PDGFRA: variants seen among roughly 807,000 people sequenced by gnomAD.
PDGFRA encodes platelet derived growth factor receptor alpha.
PDGFRA carries 25 observed loss-of-function variants against 121.5 expected under a neutral mutation model. The observed-to-expected ratio is 0.21, with a 90% confidence interval of 0.15 to 0.29. The LOEUF (loss-of-function observed/expected upper bound fraction) is 0.29. Among genes scored for constraint, PDGFRA ranks in the 10% least tolerant of loss-of-function variants. The probability of loss-of-function intolerance (pLI) is 1.00; values close to 1 mark genes in which losing one functional copy is unlikely to be tolerated. For missense variants in PDGFRA, 1,008 were observed against 1,345.1 expected (o/e 0.75, Z 3.92); for synonymous variants, 463 against 494.8 (o/e 0.94, Z 0.85).
At chr4:54,240,625 G>A (rs948652856) in intron 1 of PDGFRA, among the ~76,000 whole-genome samples, 1 of 152,186 alleles carries the variant, frequency 6.6e-6, no homozygotes, top group Non-Finnish European at 1.5e-5. Flanking sequence ...TCCAGGAGGT[G>A]GGAATTTGCA....
At chr4:54,293,091 C>T (rs1039098245) in intron 22 of PDGFRA, among the ~76,000 whole-genome samples, 3 of 152,192 alleles carry the variant, frequency 2.0e-5, no homozygotes, top group Non-Finnish European at 4.4e-5. Context: ...ATAAGAGTCA[C>T]ACATTGCACT....
chr4:54,245,865 G>A (rs1196211287), intron 1 of PDGFRA, among the ~76,000 whole-genome samples: 1 of 151,948 alleles, frequency 6.6e-6, no homozygotes, highest in Admixed American at 6.6e-5. Flanking sequence ...AAGGATGGAG[G>A]AAGATCTACC....
At chr4:54,229,611 T>C (rs904240463) in intron 1 of PDGFRA, among the ~76,000 whole-genome samples, 196 bp downstream of exon 1, 5 of 151,916 alleles carry the variant, frequency 3.3e-5, no homozygotes, top group African/African-American at 1.2e-4. Flanking sequence ...GAGATAACCA[T>C]AGAGTTAGAA....
intron 1 of PDGFRA, among the ~76,000 whole-genome samples, chr4:54,247,337 A>T (rs755417426): frequency 6.6e-6 from 1 of 152,152 alleles, no homozygotes; most frequent in African/African-American, 2.4e-5. Flanking sequence ...ACTGGCAAAC[A>T]GAATCCAGCA....
intron 4 of PDGFRA, 74 bp from the exon 5 acceptor site, chr4:54,264,845 A>AAC: frequency 6.9e-7 from 1 of 1,444,346 alleles, no homozygotes; most frequent in Admixed American, 2.1e-5. Flanking sequence ...AAAAAAAAAA[A>AAC]AAAAAACCCA....
chr4:54,288,115 G>A (rs557772969), intron 19 of PDGFRA, among the ~76,000 whole-genome samples: 1 of 152,096 alleles, frequency 6.6e-6, no homozygotes. Flanking sequence ...ACACACTTAG[G>A]GATAAACAGT....
rs1468701864 is a variant in PDGFRA, at chr4:54,295,829, G to GT, written c.*558dup. On this transcript the variant is annotated 3_prime_UTR_variant, in exon 23 of 23. Coordinates refer to ENST00000257290, the MANE Select transcript of PDGFRA (RefSeq NM_006206.6). Reference sequence around the variant, plus strand: ...CTATAGCATTTTGCTATCTTTTTTAGTGTTAAAGAGATAAAGAATAATAAT... The same window carrying GT: ...CTATAGCATTTTGCTATCTTTTTTAGTTGTTAAAGAGATAAAGAATAATAAT... 1 of 236,282 alleles carries GT rather than the reference G, an allele frequency of 4.2e-6. No homozygotes were observed. Among genetic ancestry groups the GT allele is most frequent in the Non-Finnish European group, 8.3e-6 (1 of 119,822 alleles). 14.6% of individuals were successfully genotyped at this position (236,282 alleles called of 1,614,324 possible). A position where few individuals can be genotyped will look rare whatever the true frequency, so the allele number is the denominator to read the frequency against.
chr4:54,262,618 C>T (rs890976394), intron 3 of PDGFRA, among the ~76,000 whole-genome samples: 3 of 152,058 alleles, frequency 2.0e-5, no homozygotes, highest in African/African-American at 7.2e-5. Context: ...CCCCAGGGAT[C>T]TAGACCCTCT....
chr4:54,240,136 A>G (rs1448111206), intron 1 of PDGFRA: 2 of 300,936 alleles, frequency 6.6e-6, no homozygotes, highest in Non-Finnish European at 1.4e-5. Context: ...TATAGGTGTG[A>G]GCCACTGCAC....
Position 54,273,600 on chromosome 4 carries a change from C to A in PDGFRA, c.1428C>A (p.Ile476=), listed in dbSNP as rs778534563. The A allele has an allele frequency of 4.3e-6, 7 of 1,614,000 alleles. No homozygotes were observed. In the East Asian group the frequency reaches 1.6e-4, roughly 36 times the overall value. ...ANNVSNIITE[I]HSRDRSTVEG... is the part of the protein sequence containing the mutation. ...ATGTCTCAAACATCATCACGGAGAT[C>A]CACTCCCGAGACAGGAGTACCGTGG... Residue 476 remains isoleucine (I), a synonymous_variant, in exon 10 of 23, where the codon ATC becomes ATA. Coordinates refer to ENST00000257290, the MANE Select transcript of PDGFRA (RefSeq NM_006206.6).
chr4:54,237,151 G>A (rs994087292), intron 1 of PDGFRA, among the ~76,000 whole-genome samples: 1 of 152,100 alleles, frequency 6.6e-6, no homozygotes. Context: ...TGTATTTTTA[G>A]TAGAGATGGG....
Position 54,274,596 on chromosome 4 carries a change from C to T in PDGFRA, c.1624C>T (p.Leu542Phe), listed in dbSNP as rs1060501522. The T allele has an allele frequency of 1.2e-6, 2 of 1,613,490 alleles. No homozygotes were observed. Among genetic ancestry groups the T allele is most frequent in the Non-Finnish European group, 1.7e-6 (2 of 1,179,412 alleles). ...LVLLVIVIIS[L>F]IVLVVIWKQK... Reference sequence around the variant, plus strand: ...GCTGTTGGTGATTGTGATCATCTCACTTATTGTCCTGGTTGTCATTTGGAA... The same window carrying T: ...GCTGTTGGTGATTGTGATCATCTCATTTATTGTCCTGGTTGTCATTTGGAA... The change falls in exon 11 of 23, where the codon CTT (leucine) becomes TTT (phenylalanine). Residue 542 changes from leucine (L) to phenylalanine (F), a missense_variant. Leu to Phe is a conservative substitution (Grantham distance 22). This residue lies in a region of PDGFRA where 575 missense variants were observed against 701.8 expected (regional missense o/e 0.82). Transcript: ENST00000257290.
At chr4:54,252,344 G>A (rs1289716314) in intron 1 of PDGFRA, among the ~76,000 whole-genome samples, 1 of 152,148 alleles carries the variant, frequency 6.6e-6, no homozygotes, top group Non-Finnish European at 1.5e-5. Flanking sequence ...TCTTTGTGTA[G>A]GAATGCAGGA....
At chr4:54,278,971 G>A (rs780050675) in intron 15 of PDGFRA, 2 of 401,908 alleles carry the variant, frequency 5.0e-6, no homozygotes, top group Non-Finnish European at 1.0e-5. Context: ...GAACTCTGTA[G>A]GTAAGAAATT....
At chr4:54,283,544 G>A (rs577023130) in intron 16 of PDGFRA, among the ~76,000 whole-genome samples, 1 of 152,344 alleles carries the variant, frequency 6.6e-6, no homozygotes, top group African/African-American at 2.4e-5. Flanking sequence ...TAGGCCTCTG[G>A]GCCTGTGATG....
intron 1 of PDGFRA, among the ~76,000 whole-genome samples, chr4:54,250,043 C>T (rs538931062): frequency 7.2e-5 from 11 of 151,948 alleles, no homozygotes; most frequent in East Asian, 1.9e-4. Context: ...CTAATGCAAA[C>T]GTGAAATGTG....
rs184163410 is a variant in PDGFRA, at chr4:54,239,881, C to T, written c.-13+10466C>T. Reference sequence around the variant, plus strand: ...TTATTTATTTTTAGAGATAGCATCTCGCTGTGTTGCCCAGGCTGGAGTGCA... The same window carrying T: ...TTATTTATTTTTAGAGATAGCATCTTGCTGTGTTGCCCAGGCTGGAGTGCA... On this transcript the variant is annotated intron_variant, in intron 1 of 22. Transcript: ENST00000257290. 1.3e-3 allele frequency among the ~76,000 whole-genome samples: 198 copies of T among 152,140 alleles called. 1 individual carries two copies. Among genetic ancestry groups the T allele is most frequent in the Admixed American group, 3.6e-3 (55 of 15,286 alleles).
chr4:54,241,567 GAGA>G (rs935833267), intron 1 of PDGFRA, among the ~76,000 whole-genome samples: 3 of 149,640 alleles, frequency 2.0e-5, no homozygotes, highest in African/African-American at 7.4e-5. Flanking sequence ...GATTTATTTT[GAGA>G]AGGAGTTTTG....
intron 3 of PDGFRA, among the ~76,000 whole-genome samples, chr4:54,261,703 C>T (rs1722726947): frequency 6.6e-6 from 1 of 151,606 alleles, no homozygotes; most frequent in East Asian, 1.9e-4. Flanking sequence ...TCAAGTTGCA[C>T]ACATACTCAC....
Sources: gnomAD v4.1 joint callset for allele counts (sites outside exome capture counted in the v4.1 genomes callset) on GRCh38, gnomAD v4.1.1 for gene constraint, gnomAD v4.1.1 regional missense constraint, MANE v1.5 for transcripts, NCBI Gene and HGNC (gene_info 2026-07-23, HGNC 2026-07-21) for gene names.